The following CASR variants were observed in gnomAD, a reference collection of about 807,000 sequenced individuals.
CASR encodes calcium sensing receptor, also known as extracellular calcium-sensing receptor.
CASR carries 23 observed loss-of-function variants against 69.1 expected under a neutral mutation model. The ratio of observed to expected loss-of-function variants is 0.33; its 90% confidence interval spans 0.24 to 0.47. The LOEUF is 0.47. Ranked by LOEUF, CASR falls within the 20% of genes least tolerant of loss-of-function variation. CASR has a pLI of 1.00. For synonymous variants in CASR, 541 were observed against 544.7 expected (o/e 0.99, Z 0.10); for missense variants, 924 against 1,356.1 (o/e 0.68, Z 5.00).
chr3:122,243,644 A>C (rs2107616238), intron 1 of CASR, among the ~76,000 whole-genome samples: 1 of 152,260 alleles, frequency 6.6e-6, no homozygotes, highest in East Asian at 1.9e-4. Context: ...AAATAGAGCT[A>C]CCATACAATC....
At chr3:122,261,447 C>A in intron 3 of CASR, 81 bp from the exon 4 acceptor site, 1 of 1,308,888 alleles carries the variant, frequency 7.6e-7, no homozygotes, top group Non-Finnish European at 1.1e-6. Context: ...CAGAAAGCCA[C>A]CTCCACAACA....
At chr3:122,211,887 G>A (rs946002405) in intron 1 of CASR, among the ~76,000 whole-genome samples, 2 of 152,164 alleles carry the variant, frequency 1.3e-5, no homozygotes, top group Non-Finnish European at 2.9e-5. Context: ...TCGGAATGGT[G>A]ATTATTAAAA....
chr3:122,232,047 T>G (rs957475169), intron 1 of CASR, among the ~76,000 whole-genome samples: 1 of 152,210 alleles, frequency 6.6e-6, no homozygotes, highest in Non-Finnish European at 1.5e-5. Flanking sequence ...ACCCTCCAGC[T>G]ACTTGCAACA....
chr3:122,223,215 A>G (rs1009340777), intron 1 of CASR, among the ~76,000 whole-genome samples: 1 of 152,150 alleles, frequency 6.6e-6, no homozygotes, highest in Non-Finnish European at 1.5e-5. Context: ...AAATAACCAA[A>G]GTCATAGCTG....
intron 1 of CASR, among the ~76,000 whole-genome samples, chr3:122,196,705 T>G (rs6767536): frequency 1.3e-5 from 2 of 152,000 alleles, no homozygotes; most frequent in Non-Finnish European, 2.9e-5. Context: ...TGCCCAGCAA[T>G]TGTTTGTATT....
chr3:122,248,563 A>C (rs2074451261), intron 1 of CASR, among the ~76,000 whole-genome samples: 1 of 152,148 alleles, frequency 6.6e-6, no homozygotes, highest in South Asian at 2.1e-4. Flanking sequence ...TTCTATTGGA[A>C]ATCAAATTTG....
At chr3:122,187,203 G>T (rs572935998) in intron 1 of CASR, among the ~76,000 whole-genome samples, 2 of 152,294 alleles carry the variant, frequency 1.3e-5, no homozygotes, top group Admixed American at 6.5e-5. Context: ...GAAAATAGGT[G>T]TGGCAGGTGG....
chr3:122,193,561 A>G (rs2073859352), intron 1 of CASR, among the ~76,000 whole-genome samples: 1 of 152,162 alleles, frequency 6.6e-6, no homozygotes, highest in Non-Finnish European at 1.5e-5. Context: ...TAGAAATAGT[A>G]ATGTAATAAA....
chr3:122,254,737 T>C lies in CASR; in HGVS notation c.185+363T>C, dbSNP rs1219822195. On this transcript the variant is annotated intron_variant, in intron 2 of 6. Transcript: ENST00000639785. Reference sequence around the variant, plus strand: ...CAAACCTGAGTAGTAAAATCCCCCATTGACCTTACATGCTCCAATGGATAG... The same window carrying C: ...CAAACCTGAGTAGTAAAATCCCCCACTGACCTTACATGCTCCAATGGATAG... Among the ~76,000 whole-genome samples, 6 of 152,296 alleles carry C rather than the reference T, an allele frequency of 3.9e-5. No individual in the cohort carries two copies. In the South Asian group the frequency reaches 1.0e-3, roughly 26 times the overall value.
chr3:122,280,497 A>AT (rs1216884138), intron 5 of CASR, among the ~76,000 whole-genome samples: 4 of 152,186 alleles, frequency 2.6e-5, no homozygotes, highest in Non-Finnish European at 4.4e-5. Context: ...GAGTGATCAA[A>AT]TGGGTTGGCA....
intron 2 of CASR, among the ~76,000 whole-genome samples, chr3:122,255,186 C>T (rs2074541924): frequency 6.6e-6 from 1 of 152,104 alleles, no homozygotes; most frequent in South Asian, 2.1e-4. Context: ...AATATAGTCT[C>T]CAGGGTGAGG....
chr3:122,234,703 G>A (rs1184044311), intron 1 of CASR, among the ~76,000 whole-genome samples: 6 of 152,180 alleles, frequency 3.9e-5, no homozygotes, highest in African/African-American at 1.4e-4. Flanking sequence ...AGCTGGACAG[G>A]AGTCACTCAC....
intron 1 of CASR, among the ~76,000 whole-genome samples, chr3:122,242,313 C>A (rs946287055): frequency 1.9e-4 from 29 of 151,936 alleles, no homozygotes; most frequent in African/African-American, 7.0e-4. Context: ...CTATTAGAAT[C>A]AATAAACAAA....
intron 1 of CASR, among the ~76,000 whole-genome samples, chr3:122,208,426 A>G (rs1410448776): frequency 6.6e-6 from 1 of 152,164 alleles, no homozygotes; most frequent in Non-Finnish European, 1.5e-5. Flanking sequence ...TAAACCTTAC[A>G]TGCTTGATAT....
At chr3:122,214,358 C>T (rs546281470) in intron 1 of CASR, among the ~76,000 whole-genome samples, 15 of 152,210 alleles carry the variant, frequency 9.9e-5, no homozygotes, top group Non-Finnish European at 1.6e-4. Flanking sequence ...GCAGTATAGA[C>T]AAACAATTGC....
chr3:122,238,769 A>T (rs1423178903), intron 1 of CASR, among the ~76,000 whole-genome samples: 2 of 152,238 alleles, frequency 1.3e-5, no homozygotes, highest in Non-Finnish European at 2.9e-5. Flanking sequence ...AGGCAGAGTC[A>T]TAAGGCCTCC....
intron 1 of CASR, among the ~76,000 whole-genome samples, chr3:122,202,480 G>GGGGAGAGGGAGA (rs144481840): frequency 7.3e-5 from 11 of 150,004 alleles, no homozygotes; most frequent in Non-Finnish European, 6.0e-5. Flanking sequence ...GGGAGACCGT[G>GGGGAGAGGGAGA]GGGAGAGGGA....
intron 1 of CASR, among the ~76,000 whole-genome samples, chr3:122,218,338 AGCCTG>A (rs2074137177): frequency 1.3e-5 from 2 of 151,936 alleles, no homozygotes; most frequent in African/African-American, 4.8e-5. Context: ...GATCAAGACC[AGCCTG>A]GCCAACATGG....
At chr3:122,247,361 G>A (rs1459977405) in intron 1 of CASR, 1 of 152,178 alleles carries the variant, frequency 6.6e-6, no homozygotes, top group Non-Finnish European at 1.5e-5. Context: ...GGTAGTCAGG[G>A]TTCCTTATGA....
Sources: allele counts gnomAD v4.1 joint callset (sites outside exome capture counted in the v4.1 genomes callset), GRCh38; gene constraint gnomAD v4.1.1; transcripts MANE v1.5; gene names NCBI Gene and HGNC (gene_info 2026-07-23, HGNC 2026-07-21).